Variants in CACNA2D1 observed in about 807,000 individuals in gnomAD.
CACNA2D1 encodes voltage-dependent calcium channel subunit alpha-2/delta-1.
CACNA2D1 carries 53 observed loss-of-function variants against 171.5 expected under a neutral mutation model. That is an observed-to-expected ratio of 0.31 (90% CI 0.25 to 0.39). The LOEUF (loss-of-function observed/expected upper bound fraction) is 0.39, where lower values mean the gene tolerates loss of function less well. CACNA2D1 is among the 10% of genes least tolerant of loss of function. CACNA2D1 has a pLI of 1.00. For missense variants in CACNA2D1, 903 were observed against 1,299.8 expected (o/e 0.69, Z 4.69); for synonymous variants, 442 against 443.1 (o/e 1.00, Z 0.03).
chr7:82,136,275 A>G (rs886905379), intron 5 of CACNA2D1, among the ~76,000 whole-genome samples: 1 of 152,254 alleles, frequency 6.6e-6, no homozygotes, highest in Non-Finnish European at 1.5e-5. Flanking sequence ...CAAAGCAGAT[A>G]GGCGTGGTGA....
At chr7:82,070,563 A>G (rs558652663) in intron 7 of CACNA2D1, among the ~76,000 whole-genome samples, 2 of 152,280 alleles carry the variant, frequency 1.3e-5, no homozygotes, top group East Asian at 3.9e-4. Context: ...GGCATCCAGG[A>G]CATTGGGCTT....
intron 6 of CACNA2D1, among the ~76,000 whole-genome samples, chr7:82,113,952 G>A (rs1371970414): frequency 6.6e-6 from 1 of 152,110 alleles, no homozygotes; most frequent in Non-Finnish European, 1.5e-5. Context: ...ATAATCCAAA[G>A]ACAGAGCTTC....
At chr7:82,004,517 A>G (rs2130860572) in intron 18 of CACNA2D1, among the ~76,000 whole-genome samples, 1 of 152,048 alleles carries the variant, frequency 6.6e-6, no homozygotes, top group East Asian at 1.9e-4. Flanking sequence ...TAGTTCTCTT[A>G]TGGATTTGAA....
chr7:82,045,031 T>C (rs1167422438), intron 10 of CACNA2D1, among the ~76,000 whole-genome samples: 2 of 152,286 alleles, frequency 1.3e-5, no homozygotes, highest in South Asian at 2.1e-4. Flanking sequence ...CTTTGGTTCA[T>C]TTGCTACTGT....
chr7:82,244,358 A>G (rs1228646861), intron 3 of CACNA2D1, among the ~76,000 whole-genome samples: 1 of 152,114 alleles, frequency 6.6e-6, no homozygotes, highest in Non-Finnish European at 1.5e-5. Flanking sequence ...ATAAGACAAA[A>G]CGAAGGAAGT....
chr7:82,378,315 T>C (rs10249515), intron 1 of CACNA2D1, among the ~76,000 whole-genome samples: 248 of 152,172 alleles, frequency 1.6e-3, no homozygotes, highest in African/African-American at 5.2e-3. Flanking sequence ...AGGAGGATCA[T>C]TGGAGCCCAG....
At chr7:82,190,836 T>C (rs1231730671) in intron 3 of CACNA2D1, among the ~76,000 whole-genome samples, 1 of 151,670 alleles carries the variant, frequency 6.6e-6, no homozygotes, top group African/African-American at 2.4e-5. Context: ...ACTAGATTAC[T>C]TAAAGAAAAT....
At position 82,378,963 on chromosome 7, in the gene CACNA2D1, G is replaced by T. The variant is rs559790148; in HGVS notation, c.96-29314C>A. On this transcript the variant is annotated intron_variant, in intron 1 of 38. Transcript: ENST00000356860. Reference sequence around the variant, plus strand: ...CGTGTGTGTGTGTGTGTGTGTGTGTGTGTGTGTGTGTGTGTGTGTGTGTGT... The same window carrying T: ...CGTGTGTGTGTGTGTGTGTGTGTGTTTGTGTGTGTGTGTGTGTGTGTGTGT... 1.1e-3 allele frequency among the ~76,000 whole-genome samples: 163 copies of T among 151,414 alleles called. 1 individual carries two copies. The highest frequency in any genetic ancestry group is 3.7e-3 in the African/African-American group (154 of 41,296).
intron 3 of CACNA2D1, among the ~76,000 whole-genome samples, chr7:82,186,282 GGAAGGAAA>G (rs368266530): frequency 4.0e-5 from 6 of 149,144 alleles, no homozygotes; most frequent in African/African-American, 9.8e-5. Flanking sequence ...AAGGAAGGAA[GGAAGGAAA>G]GAAAGGTGGG....
In CACNA2D1 at chr7:82,399,586, GCAGA is replaced by G. The variant is rs146961281; in HGVS notation, c.95+43775_95+43778del. 7.7e-3 allele frequency among the ~76,000 whole-genome samples: 1,170 copies of G among 151,954 alleles called. 19 individuals carry two copies. The highest frequency in any genetic ancestry group is 0.024 in the African/African-American group (997 of 41,428). On this transcript the variant is annotated intron_variant, in intron 1 of 38. Coordinates refer to ENST00000356860, the MANE Select transcript of CACNA2D1 (RefSeq NM_000722.4). Reference sequence around the variant, plus strand: ...GTTTACATTTCCCATTTATAAACAAGCAGACAGGGAGACTGGCGAATCTTGTATT... The same window carrying G: ...GTTTACATTTCCCATTTATAAACAAGCAGGGAGACTGGCGAATCTTGTATT...
At position 82,263,202 on chromosome 7, in the gene CACNA2D1, A is replaced by G. The variant is rs540315997; in HGVS notation, c.294+71933T>C. ...CAGCTCACTGCAACCTCTGCCTCTC[A>G]GGTTCAAGCAGTTCTCCAGCCTCAG... On this transcript the variant is annotated intron_variant, in intron 3 of 38. Transcript: ENST00000356860. 2.1e-5 allele frequency among the ~76,000 whole-genome samples: 3 copies of G among 145,642 alleles called. No homozygotes were observed. In the South Asian group the frequency reaches 6.4e-4, roughly 31 times the overall value.
At chr7:82,207,528 TAA>T (rs80020757) in intron 3 of CACNA2D1, among the ~76,000 whole-genome samples, 3 of 146,390 alleles carry the variant, frequency 2.0e-5, no homozygotes, top group Admixed American at 6.9e-5. Context: ...GATTTGAGGT[TAA>T]AAAAAAAAAA....
chr7:82,266,622 T>G lies in CACNA2D1; in HGVS notation c.294+68513A>C, dbSNP rs186237647. Among the ~76,000 whole-genome samples, 166 of 152,276 alleles carry G rather than the reference T, an allele frequency of 1.1e-3. 2 individuals are homozygous for G. Among genetic ancestry groups the G allele is most frequent in the Middle Eastern group, 0.01 (3 of 294 alleles). On this transcript the variant is annotated intron_variant, in intron 3 of 38. Transcript: ENST00000356860. ...ACCTCCGCCTCCCGGTTTCAAGCTATTCTCCTGCCTCAGCCTCCCGAGTAG... is the reference window on the plus strand; with the variant it reads ...ACCTCCGCCTCCCGGTTTCAAGCTAGTCTCCTGCCTCAGCCTCCCGAGTAG...
Position 82,005,776 on chromosome 7 carries a change from G to C in CACNA2D1, c.1504C>G (p.Pro502Ala). The C allele has an allele frequency of 6.3e-7, 1 of 1,593,898 alleles. No individual in the cohort carries two copies. Among genetic ancestry groups the C allele is most frequent in the Non-Finnish European group, 8.6e-7 (1 of 1,161,780 alleles). Residue 502 changes from proline (P) to alanine (A), a missense_variant, in exon 17 of 39, where the codon CCA becomes GCA. Physicochemically the swap from Pro to Ala is conservative, Grantham distance 27. Transcript: ENST00000356860. ...VSLEDIKRLT[P>A]RFTLCPNGYY... Reference sequence around the variant, plus strand: ...AAATTTCATCTTACTGTAAAACGTGGTGTCAGTCTTTTAATATCTTCCAAA... The same window carrying C: ...AAATTTCATCTTACTGTAAAACGTGCTGTCAGTCTTTTAATATCTTCCAAA...
At chr7:82,025,300 CTTCT>C (rs926296440) in intron 12 of CACNA2D1, among the ~76,000 whole-genome samples, 3 of 151,510 alleles carry the variant, frequency 2.0e-5, no homozygotes, top group Non-Finnish European at 3.0e-5. Context: ...CCATTGGTGT[CTTCT>C]TTAATTTCTT....
At chr7:82,439,056 G>A (rs1830305025) in intron 1 of CACNA2D1, among the ~76,000 whole-genome samples, 1 of 152,040 alleles carries the variant, frequency 6.6e-6, no homozygotes, top group Admixed American at 6.6e-5. Flanking sequence ...CCAATTTAAA[G>A]TTATAAATAG....
At chr7:82,213,181 A>G (rs928398860) in intron 3 of CACNA2D1, among the ~76,000 whole-genome samples, 10 of 152,306 alleles carry the variant, frequency 6.6e-5, no homozygotes, top group Admixed American at 3.9e-4. Flanking sequence ...GATTACAGGC[A>G]TGAGCCACTG....
At chr7:82,434,565 CT>C (rs1180397833) in intron 1 of CACNA2D1, among the ~76,000 whole-genome samples, 3 of 152,128 alleles carry the variant, frequency 2.0e-5, no homozygotes, top group African/African-American at 7.2e-5. Context: ...TGTTGATCCC[CT>C]CTATGTGTCC....
intron 1 of CACNA2D1, among the ~76,000 whole-genome samples, chr7:82,413,891 T>A (rs1233525316): frequency 6.6e-6 from 1 of 152,068 alleles, no homozygotes; most frequent in Non-Finnish European, 1.5e-5. Flanking sequence ...AAATATACCA[T>A]GAATTATTTT....
Sources: allele counts gnomAD v4.1 joint callset (sites outside exome capture counted in the v4.1 genomes callset), GRCh38; gene constraint gnomAD v4.1.1; transcripts MANE v1.5; gene names NCBI Gene and HGNC (gene_info 2026-07-23, HGNC 2026-07-21).